RGPD2: variants seen among roughly 807,000 people sequenced by gnomAD.
RGPD2 encodes RANBP2-like and GRIP domain-containing protein 2.
A neutral mutation model predicts 36.0 loss-of-function variants in RGPD2; 2 were observed. The ratio of observed to expected loss-of-function variants is 0.06; its 90% confidence interval spans 0.02 to 0.17. RGPD2 has a LOEUF of 0.17. Ranked by LOEUF, RGPD2 falls within the 10% of genes least tolerant of loss-of-function variation. RGPD2 has a pLI of 1.00. For missense variants in RGPD2, 40 were observed against 464.3 expected (o/e 0.09, Z 8.40); for synonymous variants, 19 against 163.8 (o/e 0.12, Z 6.75).
intron 6 of RGPD2, among the ~76,000 whole-genome samples, chr2:87,809,657 A>G (rs1444691560): frequency 6.8e-6 from 1 of 146,818 alleles, no homozygotes; most frequent in African/African-American, 2.5e-5. Flanking sequence ...CTGACAAACC[A>G]TCTGTCACCC....
chr2:87,935,660 G>A, the RGPD2 span, among the ~76,000 whole-genome samples: 14 of 151,446 alleles, frequency 9.2e-5, no homozygotes, highest in East Asian at 2.3e-3. Context: ...AGAAAAAGTA[G>A]AGAGTGAAGA....
the RGPD2 span, among the ~76,000 whole-genome samples, chr2:87,903,235 CCTT>C: frequency 8.6e-4 from 121 of 140,280 alleles, no homozygotes; most frequent in African/African-American, 3.1e-3. Flanking sequence ...GCTACATTTA[CCTT>C]AAGTGGAGAT....
chr2:87,967,458 T>C, the RGPD2 span, among the ~76,000 whole-genome samples: 1 of 150,056 alleles, frequency 6.7e-6, no homozygotes, highest in Non-Finnish European at 1.5e-5. Flanking sequence ...TAAGAAAATA[T>C]CTGATAATTA....
the RGPD2 span, among the ~76,000 whole-genome samples, chr2:87,855,427 G>A: frequency 1.4e-5 from 2 of 145,288 alleles, no homozygotes; most frequent in Admixed American, 6.9e-5. Flanking sequence ...CCAAGAATAC[G>A]AAATGTGCCC....
the RGPD2 span, among the ~76,000 whole-genome samples, chr2:87,884,949 T>C: frequency 1.3e-5 from 2 of 152,180 alleles, no homozygotes; most frequent in Non-Finnish European, 2.9e-5. Context: ...AAGGCCAGCC[T>C]CACCATGATA....
the RGPD2 span, among the ~76,000 whole-genome samples, chr2:87,918,655 C>T: frequency 6.6e-6 from 1 of 152,018 alleles, no homozygotes; most frequent in Non-Finnish European, 1.5e-5. Context: ...AATTTTCTTA[C>T]AATAGAGTAA....
At chr2:87,863,969 C>T in the RGPD2 span, among the ~76,000 whole-genome samples, 3 of 151,584 alleles carry the variant, frequency 2.0e-5, no homozygotes. Context: ...GGAATTATGA[C>T]CATTTTCCTG....
chr2:87,775,259 CAAAT>C (rs1407963857), intron 20 of RGPD2, among the ~76,000 whole-genome samples, 176 bp from the exon 21 acceptor site: 1 of 76,646 alleles, frequency 1.3e-5, no homozygotes, highest in East Asian at 3.6e-4. Context: ...GTAGGTGACA[CAAAT>C]AAAACAGTAT....
At chr2:87,873,951 G>T in the RGPD2 span, among the ~76,000 whole-genome samples, 1 of 151,934 alleles carries the variant, frequency 6.6e-6, no homozygotes, top group East Asian at 1.9e-4. Flanking sequence ...GTATCTCATT[G>T]TGGTTTTGAT....
At position 87,825,769 on chromosome 2, in the gene RGPD2, G is replaced by C; in HGVS notation, c.-40C>G. 1.3e-6 allele frequency: 2 copies of C among 1,552,810 alleles called. No individual in the cohort carries two copies. The highest frequency in any genetic ancestry group is 8.7e-7 in the Non-Finnish European group (1 of 1,147,828). On this transcript the variant is annotated 5_prime_UTR_variant, in exon 1 of 23. Coordinates refer to ENST00000398146, the MANE Select transcript of RGPD2 (RefSeq NM_001078170.3). ...GGCTCCCGAGACGCGTGAAACCAGC[G>C]CTCAGCCCCGCAGCAGTCGCCAATT...
At chr2:87,971,433 A>ATC in the RGPD2 span, among the ~76,000 whole-genome samples, 1 of 133,204 alleles carries the variant, frequency 7.5e-6, no homozygotes, top group Non-Finnish European at 1.6e-5. Flanking sequence ...TGTTATAGAC[A>ATC]TATATATATA....
At chr2:87,923,428 G>A in the RGPD2 span, among the ~76,000 whole-genome samples, 3 of 152,154 alleles carry the variant, frequency 2.0e-5, no homozygotes, top group East Asian at 1.9e-4. Context: ...CTTTTCTATC[G>A]GCCTCCTATC....
chr2:87,934,511 C>T, the RGPD2 span, among the ~76,000 whole-genome samples: 1 of 146,206 alleles, frequency 6.8e-6, no homozygotes, highest in African/African-American at 2.5e-5. Context: ...CATGGTGCAC[C>T]ATTTTATGGA....
the RGPD2 span, among the ~76,000 whole-genome samples, chr2:87,876,474 T>C: frequency 6.6e-6 from 1 of 152,256 alleles, no homozygotes; most frequent in Non-Finnish European, 1.5e-5. Context: ...TTTATCTTAA[T>C]TTTATTATTT....
chr2:87,986,967 A>G, the RGPD2 span, among the ~76,000 whole-genome samples: 3 of 143,090 alleles, frequency 2.1e-5, no homozygotes, highest in African/African-American at 7.7e-5. Context: ...GTAAATATAT[A>G]ATATTCAATA....
At chr2:87,875,572 A>G in the RGPD2 span, among the ~76,000 whole-genome samples, 1 of 152,178 alleles carries the variant, frequency 6.6e-6, no homozygotes, top group African/African-American at 2.4e-5. Flanking sequence ...CTGGATCACG[A>G]TGGATAAGCT....
the RGPD2 span, among the ~76,000 whole-genome samples, chr2:87,866,986 C>G: frequency 1.3e-5 from 2 of 152,172 alleles, no homozygotes; most frequent in Non-Finnish European, 2.9e-5. Flanking sequence ...GATTTTTTTT[C>G]TTTTTCCTTT....
the RGPD2 span, among the ~76,000 whole-genome samples, chr2:87,847,458 C>T: frequency 6.7e-6 from 1 of 148,828 alleles, no homozygotes; most frequent in African/African-American, 2.5e-5. Flanking sequence ...TCTGGCTTTT[C>T]AGATTATTTT....
the RGPD2 span, among the ~76,000 whole-genome samples, chr2:87,877,505 T>C: frequency 6.6e-6 from 1 of 152,084 alleles, no homozygotes; most frequent in Non-Finnish European, 1.5e-5. Context: ...AAAATTCTTT[T>C]CTTTAAGAAT....
Sources: allele counts gnomAD v4.1 joint callset (sites outside exome capture counted in the v4.1 genomes callset), GRCh38; gene constraint gnomAD v4.1.1; transcripts MANE v1.5; gene names NCBI Gene and HGNC (gene_info 2026-07-23, HGNC 2026-07-21).